INPP4B: variants seen among roughly 807,000 people sequenced by gnomAD.
INPP4B encodes the protein inositol polyphosphate-4-phosphatase type II B.
In INPP4B, 55 loss-of-function variants were observed where a neutral mutation model predicts 122.5. The ratio of observed to expected loss-of-function variants is 0.45; its 90% CI spans 0.36 to 0.56. The LOEUF (loss-of-function observed/expected upper bound fraction) is 0.56. Ranked by LOEUF, INPP4B falls within the 20% of genes least tolerant of loss-of-function variation. INPP4B has a pLI of 0.00. For missense variants in INPP4B, 1,000 were observed against 1,097.7 expected (o/e 0.91, Z 1.26); for synonymous variants, 403 against 388.7 (o/e 1.04, Z -0.43).
At chr4:142,039,776 G>A (rs896973532) in intron 25 of INPP4B, among the ~76,000 whole-genome samples, 5 of 152,040 alleles carry the variant, frequency 3.3e-5, no homozygotes, top group African/African-American at 9.7e-5. Context: ...AAAAAATCTT[G>A]TGAAGTGTTT....
intron 23 of INPP4B, among the ~76,000 whole-genome samples, chr4:142,089,066 G>A (rs1375920340): frequency 1.3e-5 from 2 of 152,212 alleles, no homozygotes; most frequent in African/African-American, 2.4e-5. Flanking sequence ...GCATGAGCCA[G>A]TACTGCAGAA....
intron 16 of INPP4B, 78 bp downstream of exon 16, chr4:142,173,554 G>A: frequency 8.4e-7 from 1 of 1,190,896 alleles, no homozygotes; most frequent in Non-Finnish European, 1.2e-6. Flanking sequence ...GCTATGAATG[G>A]CGATGTATGC....
intron 18 of INPP4B, among the ~76,000 whole-genome samples, chr4:142,132,148 C>T (rs951482414): frequency 1.3e-5 from 2 of 152,048 alleles, no homozygotes; most frequent in Non-Finnish European, 2.9e-5. Flanking sequence ...TTAAGATATA[C>T]CTAAGGGACT....
intron 2 of INPP4B, among the ~76,000 whole-genome samples, chr4:142,703,588 G>A (rs1050999644): frequency 6.6e-6 from 1 of 152,162 alleles, no homozygotes; most frequent in African/African-American, 2.4e-5. Context: ...AGGGTTTGAT[G>A]TTTATGGGTA....
chr4:142,802,028 T>A (rs565817745), intron 1 of INPP4B, among the ~76,000 whole-genome samples: 1 of 152,120 alleles, frequency 6.6e-6, no homozygotes, highest in African/African-American at 2.4e-5. Context: ...AGGAAAATCA[T>A]TGGTAGGACT....
rs1017541044 is a variant in INPP4B, at chr4:142,408,385, T to C, written c.137-3061A>G. 2.6e-5 allele frequency among the ~76,000 whole-genome samples: 4 copies of C among 152,072 alleles called. No homozygotes were observed. In the East Asian group the frequency reaches 7.7e-4, roughly 29 times the overall value. ...CTGGCCAACATGACGAAACCCCATC[T>C]CTATTAAAAATACAAAAATTAGCTG... On this transcript the variant is annotated intron_variant, in intron 5 of 25. Coordinates refer to ENST00000262992, the MANE Select transcript of INPP4B (RefSeq NM_001101669.3).
chr4:142,174,283 A>AATC (rs1826973898), intron 15 of INPP4B, among the ~76,000 whole-genome samples: 1 of 152,150 alleles, frequency 6.6e-6, no homozygotes, highest in Admixed American at 6.6e-5. Flanking sequence ...AAGTGGGAAT[A>AATC]ATCATCTAAA....
At chr4:142,714,573 T>A (rs1288564418) in intron 2 of INPP4B, among the ~76,000 whole-genome samples, 1 of 152,376 alleles carries the variant, frequency 6.6e-6, no homozygotes, top group South Asian at 2.1e-4. Flanking sequence ...TTGTTGATCA[T>A]TGATATTATT....
At chr4:142,542,236 T>C (rs1476107933) in intron 2 of INPP4B, among the ~76,000 whole-genome samples, 1 of 152,202 alleles carries the variant, frequency 6.6e-6, no homozygotes. Flanking sequence ...CTTACAAATA[T>C]TATTCTTATA....
chr4:142,123,340 G>A lies in INPP4B; in HGVS notation c.1969C>T (p.His657Tyr). The change falls in exon 20 of 26, where the codon CAC (histidine) becomes TAC (tyrosine). Residue 657 changes from histidine to tyrosine, a missense_variant. By Grantham distance (83) the His-to-Tyr change is moderately conservative. Transcript: ENST00000262992. ...TATTGTACTATCAACCCCACTGTGT[G>A]AAGCTGCTGTAGGAAGCCTGGGTCA... Reference protein sequence around the residue: ...LYDPGFLQQLHTVGLIVQYEG... With the variant: ...LYDPGFLQQLYTVGLIVQYEG... 1.2e-6 allele frequency: 2 copies of A among 1,612,934 alleles called. No homozygotes were observed. Among genetic ancestry groups the A allele is most frequent in the Non-Finnish European group, 1.7e-6 (2 of 1,179,202 alleles).
intron 2 of INPP4B, among the ~76,000 whole-genome samples, chr4:142,471,255 A>T (rs1001651966): frequency 1.3e-5 from 2 of 152,188 alleles, no homozygotes; most frequent in Non-Finnish European, 2.9e-5. Context: ...AGCTATACCT[A>T]TCTCACAGTA....
chr4:142,109,925 T>C (rs1789152681), intron 22 of INPP4B, among the ~76,000 whole-genome samples: 1 of 152,146 alleles, frequency 6.6e-6, no homozygotes, highest in African/African-American at 2.4e-5. Flanking sequence ...GTATCTATAC[T>C]GAGTTGAACT....
intron 2 of INPP4B, among the ~76,000 whole-genome samples, chr4:142,476,840 A>G (rs1445619863): frequency 6.6e-6 from 1 of 152,192 alleles, no homozygotes; most frequent in Admixed American, 6.5e-5. Context: ...GTCTTAGACA[A>G]CCACACAATA....
intron 15 of INPP4B, among the ~76,000 whole-genome samples, chr4:142,178,301 C>G (rs963326347): frequency 6.6e-6 from 1 of 152,150 alleles, no homozygotes; most frequent in Non-Finnish European, 1.5e-5. Flanking sequence ...TGCAACCACC[C>G]CAACATTTCT....
chr4:142,698,688 A>T (rs1241594795), intron 2 of INPP4B, among the ~76,000 whole-genome samples: 1 of 152,164 alleles, frequency 6.6e-6, no homozygotes, highest in South Asian at 2.1e-4. Flanking sequence ...GCAGACCTGA[A>T]CTACCTTCCT....
intron 11 of INPP4B, among the ~76,000 whole-genome samples, chr4:142,246,033 C>CGTGTGTGTGTACACACATATATATAT (rs1264246054): frequency 7.9e-6 from 1 of 127,006 alleles, no homozygotes; most frequent in African/African-American, 3.2e-5. Flanking sequence ...TGTACACACA[C>CGTGTGTGTGTACACACATATATATAT]GTGTGTGTAT....
chr4:142,065,067 T>C (rs957774405), intron 25 of INPP4B, among the ~76,000 whole-genome samples: 8 of 152,192 alleles, frequency 5.3e-5, no homozygotes, highest in Non-Finnish European at 1.2e-4. Flanking sequence ...GTGAATAGTT[T>C]ATGTGATTTT....
intron 9 of INPP4B, among the ~76,000 whole-genome samples, chr4:142,303,554 T>C (rs977499447): frequency 6.6e-6 from 1 of 151,916 alleles, no homozygotes; most frequent in African/African-American, 2.4e-5. Flanking sequence ...ATAAATTACA[T>C]CAGAATTTTT....
chr4:142,161,817 C>T (rs755953684), intron 16 of INPP4B, among the ~76,000 whole-genome samples: 1 of 151,820 alleles, frequency 6.6e-6, no homozygotes, highest in Non-Finnish European at 1.5e-5. Flanking sequence ...TTAAAGTTGA[C>T]CTCTTCATTA....
Sources: gnomAD v4.1 joint callset for allele counts (sites outside exome capture counted in the v4.1 genomes callset) on GRCh38, gnomAD v4.1.1 for gene constraint, MANE v1.5 for transcripts, NCBI Gene and HGNC (gene_info 2026-07-23, HGNC 2026-07-21) for gene names.